The following RGS5 variants were observed in gnomAD, a reference collection of about 807,000 sequenced individuals.
RGS5 encodes regulator of G protein signaling 5, also known as regulator of G-protein signalling 5.
RGS5 carries 20 observed loss-of-function variants against 18.9 expected under a neutral mutation model. The observed-to-expected ratio is 1.06, with a 90% CI of 0.74 to 1.54. The LOEUF (loss-of-function observed/expected upper bound fraction) is 1.54, where lower values mean the gene tolerates loss of function less well. RGS5 is among the 40% of genes most tolerant of loss of function. The pLI, the probability that RGS5 is intolerant of heterozygous loss-of-function variation, is 0.00. For missense variants in RGS5, 201 were observed against 211.8 expected, an observed-to-expected ratio of 0.95 and a Z score of 0.32; for synonymous variants, 57 against 76.2, an observed-to-expected ratio of 0.75 and a Z score of 1.31.
intron 2 of RGS5, among the ~76,000 whole-genome samples, chr1:163,305,641 T>C (rs996867633): frequency 3.9e-5 from 6 of 152,272 alleles, no homozygotes; most frequent in Non-Finnish European, 8.8e-5. Context: ...TCCCCCAAAT[T>C]CCTTGACAAG....
At chr1:163,173,798 T>C (rs1311745321) in intron 1 of RGS5, among the ~76,000 whole-genome samples, 1 of 152,112 alleles carries the variant, frequency 6.6e-6, no homozygotes, top group Non-Finnish European at 1.5e-5. Context: ...AACGTAGGCC[T>C]GGCACAGTGG....
At chr1:163,303,441 ATC>A (rs1557936464) in intron 2 of RGS5, among the ~76,000 whole-genome samples, 1 of 152,176 alleles carries the variant, frequency 6.6e-6, no homozygotes, top group East Asian at 1.9e-4. Context: ...TTAAAAAGAG[ATC>A]TCTCAGAGAC....
At chr1:163,190,311 T>C in intron 1 of RGS5, among the ~76,000 whole-genome samples, 1 of 152,174 alleles carries the variant, frequency 6.6e-6, no homozygotes, top group East Asian at 1.9e-4. Flanking sequence ...TGAGGGTCAA[T>C]TATTAGCTTG....
At chr1:163,298,404 G>A (rs557099055) in intron 2 of RGS5, among the ~76,000 whole-genome samples, 1 of 152,182 alleles carries the variant, frequency 6.6e-6, no homozygotes, top group South Asian at 2.1e-4. Context: ...ATTACACACA[G>A]GAGTCCCACA....
At chr1:163,257,069 A>G (rs1264392145) in intron 2 of RGS5, among the ~76,000 whole-genome samples, 1 of 152,092 alleles carries the variant, frequency 6.6e-6, no homozygotes, top group Non-Finnish European at 1.5e-5. Context: ...TAGTACTGTC[A>G]TGGGTCTGGA....
intron 1 of RGS5, among the ~76,000 whole-genome samples, chr1:163,216,515 C>T (rs1464644062): frequency 1.3e-5 from 2 of 152,136 alleles, no homozygotes; most frequent in Admixed American, 1.3e-4. Context: ...CAGAGATCAA[C>T]TCTATGGTGT....
intron 4 of RGS5, among the ~76,000 whole-genome samples, chr1:163,149,042 C>T (rs1657266711): frequency 6.6e-6 from 1 of 152,180 alleles, no homozygotes; most frequent in African/African-American, 2.4e-5. Context: ...TCAGAACAGA[C>T]AGCAGGACTG....
At chr1:163,240,432 A>G (rs566066854) in intron 2 of RGS5, among the ~76,000 whole-genome samples, 1 of 152,120 alleles carries the variant, frequency 6.6e-6, no homozygotes, top group African/African-American at 2.4e-5. Context: ...TGGTGGGGAA[A>G]AAAAAAAAAA....
intron 1 of RGS5, among the ~76,000 whole-genome samples, chr1:163,187,615 G>A (rs1266423275): frequency 6.6e-6 from 1 of 152,170 alleles, no homozygotes; most frequent in Non-Finnish European, 1.5e-5. Flanking sequence ...GGTTCAGGGA[G>A]CTTCCGGATA....
At chr1:163,261,377 A>G (rs967793066) in intron 2 of RGS5, among the ~76,000 whole-genome samples, 6 of 152,130 alleles carry the variant, frequency 3.9e-5, no homozygotes, top group Non-Finnish European at 7.4e-5. Flanking sequence ...GCCATCTCCT[A>G]AAGACTGCCT....
At chr1:163,255,771 G>A (rs1175282174) in intron 2 of RGS5, among the ~76,000 whole-genome samples, 2 of 151,824 alleles carry the variant, frequency 1.3e-5, no homozygotes, top group Middle Eastern at 3.4e-3. Context: ...CCATGATCAA[G>A]TGGGCTTCAT....
chr1:163,222,061 T>C (rs558959181), upstream of RGS5, among the ~76,000 whole-genome samples: 1 of 152,272 alleles, frequency 6.6e-6, no homozygotes, highest in Non-Finnish European at 1.5e-5. Context: ...TTTTCAATTT[T>C]TTATTCAGGA....
intron 3 of RGS5, among the ~76,000 whole-genome samples, chr1:163,157,893 G>T (rs200494116): frequency 6.6e-6 from 1 of 151,968 alleles, no homozygotes; most frequent in Non-Finnish European, 1.5e-5. Flanking sequence ...GCCCAGACTG[G>T]TCTTGAACTC....
intron 1 of RGS5, among the ~76,000 whole-genome samples, chr1:163,183,516 T>C (rs1205736979): frequency 1.3e-5 from 2 of 152,138 alleles, no homozygotes; most frequent in Admixed American, 6.5e-5. Flanking sequence ...GAGCCCTTGG[T>C]TTTGAATTAG....
Position 163,143,720 on chromosome 1 carries a change from C to T in RGS5, c.*3622G>A, listed in dbSNP as rs920271537. 1 of 152,056 alleles carries T rather than the reference C, an allele frequency of 6.6e-6. No homozygotes were observed. The highest frequency in any genetic ancestry group is 3.1e-3 in the Middle Eastern group (1 of 318). The allele number at this position is 152,056 out of a possible 1,614,324, so 9.4% of individuals were successfully genotyped here. A position where few individuals can be genotyped will look rare whatever the true frequency, so the allele number is the denominator to read the frequency against. On this transcript the variant is annotated 3_prime_UTR_variant, in exon 5 of 5. Coordinates refer to ENST00000313961, the MANE Select transcript of RGS5 (RefSeq NM_003617.4). Reference sequence around the variant, plus strand: ...CCCAGGAAAAAGGGAAAATGGCCTGCTAGGGAGAACAGTTTCAATAATGAA... The same window carrying T: ...CCCAGGAAAAAGGGAAAATGGCCTGTTAGGGAGAACAGTTTCAATAATGAA...
At chr1:163,307,738 A>G (rs967037387) in intron 1 of RGS5, among the ~76,000 whole-genome samples, 1 of 152,230 alleles carries the variant, frequency 6.6e-6, no homozygotes. Context: ...ACTGAAGTAC[A>G]ACGGAATTTC....
At chr1:163,297,449 G>C (rs938807182) in intron 2 of RGS5, among the ~76,000 whole-genome samples, 1 of 152,016 alleles carries the variant, frequency 6.6e-6, no homozygotes, top group Non-Finnish European at 1.5e-5. Context: ...TTTTATTTTT[G>C]CTTTCTCTTG....
intron 2 of RGS5, among the ~76,000 whole-genome samples, chr1:163,285,215 G>A (rs1389212813): frequency 1.3e-5 from 2 of 152,110 alleles, no homozygotes; most frequent in African/African-American, 2.4e-5. Flanking sequence ...AAATTATTCT[G>A]TATTAACTTT....
intron 2 of RGS5, among the ~76,000 whole-genome samples, chr1:163,278,892 A>G (rs1648925033): frequency 6.6e-6 from 1 of 152,144 alleles, no homozygotes; most frequent in Non-Finnish European, 1.5e-5. Context: ...AGCACCCAGG[A>G]GTGGCCATAC....
Sources: gnomAD v4.1 joint callset for allele counts (sites outside exome capture counted in the v4.1 genomes callset) on GRCh38, gnomAD v4.1.1 for gene constraint, MANE v1.5 for transcripts, NCBI Gene and HGNC (gene_info 2026-07-23, HGNC 2026-07-21) for gene names.